Variants in PHACTR1 observed in about 807,000 individuals in gnomAD.
The protein encoded by PHACTR1 is phosphatase and actin regulator 1, also known as RPEL repeat containing 1.
PHACTR1 carries 16 observed loss-of-function variants against 69.2 expected under a neutral mutation model. That is an observed-to-expected ratio of 0.23 (90% confidence interval 0.16 to 0.35). The LOEUF is 0.35. Among genes scored for constraint, PHACTR1 ranks in the 10% least tolerant of loss-of-function variants. The pLI is 1.00. For synonymous variants in PHACTR1, 312 were observed against 284.5 expected (o/e 1.10, Z -0.97); for missense variants, 510 against 734.7 (o/e 0.69, Z 3.54).
In PHACTR1 at chr6:12,847,718, T is replaced by C. The variant is rs1230488203; in HGVS notation, c.250+97928T>C. On this transcript the variant is annotated intron_variant, in intron 4 of 14. Coordinates refer to ENST00000332995, the MANE Select transcript of PHACTR1 (RefSeq NM_030948.6). ...CAGTGGCACAGTATCCTAATTAAGA[T>C]TCATGGTAATAAACTATTTAAAAAG... Among the ~76,000 whole-genome samples the C allele has an allele frequency of 2.6e-5, 4 of 152,100 alleles. No homozygotes were observed. In the East Asian group the frequency reaches 7.7e-4, roughly 29 times the overall value.
chr6:13,284,543 A>AATATATATATATAT (rs3037749), intron 13 of PHACTR1, among the ~76,000 whole-genome samples: 3 of 61,352 alleles, frequency 4.9e-5, no homozygotes, highest in African/African-American at 3.2e-4. Flanking sequence ...AAAAAAAAAA[A>AATATATATATATAT]ATATATATAT....
chr6:12,799,251 G>A (rs535865859), intron 4 of PHACTR1, among the ~76,000 whole-genome samples: 6 of 152,146 alleles, frequency 3.9e-5, no homozygotes, highest in South Asian at 2.1e-4. Flanking sequence ...CATGATCTAC[G>A]GATAGGATGG....
At chr6:13,218,309 T>C (rs1767985580) in intron 8 of PHACTR1, among the ~76,000 whole-genome samples, 1 of 152,148 alleles carries the variant, frequency 6.6e-6, no homozygotes, top group Non-Finnish European at 1.5e-5. Context: ...TCACAGTGAT[T>C]TCCTACTCAT....
intron 3 of PHACTR1, among the ~76,000 whole-genome samples, chr6:12,744,900 C>G (rs1037356238): frequency 1.3e-5 from 2 of 151,650 alleles, no homozygotes; most frequent in African/African-American, 4.8e-5. Flanking sequence ...TTTTACTTGC[C>G]TTACTTCCCT....
intron 6 of PHACTR1, among the ~76,000 whole-genome samples, chr6:13,160,597 G>A (rs1034363593): frequency 2.0e-5 from 3 of 152,296 alleles, no homozygotes; most frequent in East Asian, 1.9e-4. Flanking sequence ...AAATACACAC[G>A]ACCAGGGTGC....
chr6:12,797,394 CTG>C (rs1366059131), intron 4 of PHACTR1, among the ~76,000 whole-genome samples: 3 of 152,164 alleles, frequency 2.0e-5, no homozygotes, highest in Non-Finnish European at 4.4e-5. Context: ...TTGTCACTGA[CTG>C]ACCCTGCAGA....
At chr6:12,827,939 T>A (rs1230938508) in intron 4 of PHACTR1, among the ~76,000 whole-genome samples, 1 of 152,342 alleles carries the variant, frequency 6.6e-6, no homozygotes, top group African/African-American at 2.4e-5. Flanking sequence ...CTTGTTGGGC[T>A]TTTTTGATAC....
intron 4 of PHACTR1, among the ~76,000 whole-genome samples, chr6:12,811,208 A>T (rs1381360621): frequency 6.6e-6 from 1 of 152,202 alleles, no homozygotes; most frequent in Non-Finnish European, 1.5e-5. Flanking sequence ...GGACGAAGTA[A>T]GTGTGATAGT....
rs772804033 is a variant in PHACTR1, at chr6:13,003,965, G to GTATATATATATATATATATATATGTA, written c.251-49386_251-49385insTATATATATGTATATATATATATATA. 9.4e-4 allele frequency among the ~76,000 whole-genome samples: 91 copies of GTATATATATATATATATATATATGTA among 96,312 alleles called. 7 individuals are homozygous for GTATATATATATATATATATATATGTA. Among genetic ancestry groups the GTATATATATATATATATATATATGTA allele is most frequent in the African/African-American group, 4.8e-3 (82 of 17,012 alleles). The allele number at this position is 96,312 out of a possible 152,430, so 63.2% of individuals were successfully genotyped here. A position where few individuals can be genotyped will look rare whatever the true frequency, so the allele number is the denominator to read the frequency against. On this transcript the variant is annotated intron_variant, in intron 4 of 14. Coordinates refer to ENST00000332995, the MANE Select transcript of PHACTR1 (RefSeq NM_030948.6). ...CAGTAGTATTCCTATATATATATAT[G>GTATATATATATATATATATATATGTA]TATATATATATATACACATATATAT... is the stretch of plus-strand genomic sequence containing the variant.
chr6:12,907,180 G>A (rs2876302), intron 4 of PHACTR1, among the ~76,000 whole-genome samples: 81,848 of 151,556 alleles, frequency 0.54, 24,188 homozygotes, highest in East Asian at 0.91. Flanking sequence ...GGCTTTTTCC[G>A]TTACATTACA....
At chr6:12,786,243 C>G (rs1771529103) in intron 4 of PHACTR1, among the ~76,000 whole-genome samples, 1 of 152,170 alleles carries the variant, frequency 6.6e-6, no homozygotes, top group African/African-American at 2.4e-5. Flanking sequence ...ATGGCAACCC[C>G]ACACCAGGAG....
intron 10 of PHACTR1, among the ~76,000 whole-genome samples, chr6:13,258,105 C>A (rs1775423522): frequency 6.6e-6 from 1 of 152,158 alleles, no homozygotes; most frequent in Non-Finnish European, 1.5e-5. Flanking sequence ...TGCCTGTAAT[C>A]CTAGCACTTT....
chr6:12,796,100 G>A (rs1176483699), intron 4 of PHACTR1, among the ~76,000 whole-genome samples: 2 of 152,030 alleles, frequency 1.3e-5, no homozygotes, highest in African/African-American at 4.8e-5. Context: ...GAAAAGACTT[G>A]GGAAAGAAGG....
intron 3 of PHACTR1, among the ~76,000 whole-genome samples, chr6:12,720,183 G>A (rs1761918266): frequency 6.6e-6 from 1 of 152,196 alleles, no homozygotes. Context: ...GGGGGTGGGG[G>A]ATGAAGTTAG....
chr6:13,143,609 C>G (rs1003828009), intron 5 of PHACTR1, among the ~76,000 whole-genome samples: 5 of 152,006 alleles, frequency 3.3e-5, no homozygotes, highest in Admixed American at 2.6e-4. Context: ...TAAAGTAAAC[C>G]TTCAAGTGAT....
chr6:12,873,975 CT>C (rs1782305718), intron 4 of PHACTR1, among the ~76,000 whole-genome samples: 1 of 152,210 alleles, frequency 6.6e-6, no homozygotes, highest in Admixed American at 6.5e-5. Context: ...CAACAGAGAC[CT>C]TTTGGTCTTA....
At chr6:13,229,459 T>A (rs1283606982) in intron 9 of PHACTR1, among the ~76,000 whole-genome samples, 1 of 152,186 alleles carries the variant, frequency 6.6e-6, no homozygotes, top group African/African-American at 2.4e-5. Context: ...CCCAGGATAT[T>A]GCGTGTTTCA....
At chr6:13,070,293 TA>T (rs1809304026) in intron 5 of PHACTR1, among the ~76,000 whole-genome samples, 1 of 152,202 alleles carries the variant, frequency 6.6e-6, no homozygotes, top group Non-Finnish European at 1.5e-5. Flanking sequence ...TTTTATTCAC[TA>T]AAAACTTAAT....
intron 4 of PHACTR1, among the ~76,000 whole-genome samples, chr6:12,801,520 T>A (rs539621706): frequency 8.5e-5 from 13 of 152,118 alleles, no homozygotes; most frequent in Non-Finnish European, 1.5e-4. Context: ...AAGAACAGAA[T>A]ATTCTCACTG....
Sources: allele counts gnomAD v4.1 joint callset (sites outside exome capture counted in the v4.1 genomes callset), GRCh38; gene constraint gnomAD v4.1.1; transcripts MANE v1.5; gene names NCBI Gene and HGNC (gene_info 2026-07-23, HGNC 2026-07-21).